The following TNN variants were observed in gnomAD, a reference collection of about 807,000 sequenced individuals.
TNN encodes tenascin-N.
In TNN, 122 loss-of-function variants were observed where a neutral mutation model predicts 134.4. The observed-to-expected ratio is 0.91, with a 90% CI of 0.78 to 1.06. TNN has a LOEUF of 1.06. Among genes scored for constraint, TNN ranks in the 50% least tolerant of loss-of-function variants. The pLI is 0.00. For missense variants in TNN, 1,739 were observed against 1,699.4 expected (o/e 1.02, Z -0.41); for synonymous variants, 710 against 670.3 (o/e 1.06, Z -0.91).
chr1:175,079,765 AC>A (rs1004208217), intron 3 of TNN, 58 bp downstream of exon 3: 1 of 1,512,416 alleles, frequency 6.6e-7, no homozygotes, highest in African/African-American at 1.4e-5. Flanking sequence ...GCACCATTTA[AC>A]CCTCAATTAC....
At chr1:175,131,073 G>A (rs1675664001) in intron 15 of TNN, among the ~76,000 whole-genome samples, 1 of 152,140 alleles carries the variant, frequency 6.6e-6, no homozygotes, top group South Asian at 2.1e-4. Context: ...CTTTGTCACT[G>A]AAGGATGACC....
Position 175,146,923 on chromosome 1 carries a change from TTTG to T in TNN, c.3760-7_3760-5del. 1 of 1,501,410 alleles carries T rather than the reference TTTG, an allele frequency of 6.7e-7. No homozygotes were observed. The highest frequency in any genetic ancestry group is 8.9e-7 in the Non-Finnish European group (1 of 1,123,156). 93.0% of individuals were successfully genotyped at this position (1,501,410 alleles called of 1,614,324 possible). A position where few individuals can be genotyped will look rare whatever the true frequency, so the allele number is the denominator to read the frequency against. On this transcript the variant is annotated splice_region_variant and splice_polypyrimidine_tract_variant and intron_variant, in intron 18 of 18. Coordinates refer to ENST00000239462, the MANE Select transcript of TNN (RefSeq NM_022093.2). ...TTCTTGATGTGGCTTTTTTTTTTTTTTTGGTAGGGGGTGAACTGGGAGCCTTGG... is the reference window on the plus strand; with the variant it reads ...TTCTTGATGTGGCTTTTTTTTTTTTTGTAGGGGGTGAACTGGGAGCCTTGG...
intron 15 of TNN, 31 bp from the exon 16 acceptor site, chr1:175,135,814 G>A: frequency 1.9e-6 from 3 of 1,560,724 alleles, no homozygotes; most frequent in East Asian, 2.2e-5. Flanking sequence ...TGTTTGGAGG[G>A]TCAGAGTGAA....
intron 4 of TNN, among the ~76,000 whole-genome samples, chr1:175,081,783 GGTTA>G (rs1674203160): frequency 1.3e-5 from 2 of 152,206 alleles, no homozygotes; most frequent in South Asian, 4.1e-4. Context: ...AGAAAGGACT[GGTTA>G]GAGAATCTGG....
intron 6 of TNN, among the ~76,000 whole-genome samples, chr1:175,089,520 A>G (rs568668105): frequency 6.6e-6 from 1 of 152,344 alleles, no homozygotes; most frequent in South Asian, 2.1e-4. Flanking sequence ...ATACCCTGAC[A>G]GCTATGCTTC....
At chr1:175,132,285 T>C (rs1239092753) in intron 15 of TNN, among the ~76,000 whole-genome samples, 3 of 152,182 alleles carry the variant, frequency 2.0e-5, no homozygotes, top group Non-Finnish European at 2.9e-5. Flanking sequence ...GACAGAAAGA[T>C]AAGATTTATG....
chr1:175,090,345 A>G (rs1277464261), intron 6 of TNN, among the ~76,000 whole-genome samples: 2 of 152,226 alleles, frequency 1.3e-5, no homozygotes, highest in Admixed American at 1.3e-4. Context: ...ATTGAAAGAC[A>G]TTAGAGGAGG....
rs781194887 is a variant in TNN, at chr1:175,098,566, G to A, written c.2090G>A (p.Ser697Asn). 2 of 1,614,164 alleles carry A rather than the reference G, an allele frequency of 1.2e-6. No individual in the cohort carries two copies. The highest frequency in any genetic ancestry group is 1.7e-6 in the Non-Finnish European group (2 of 1,180,020). ...TGGGCCCAGAAGGGGGACCAGGAGA[G>A]CAAGAAGGCCGACACCAAGGCCCAG... is the stretch of plus-strand genomic sequence containing the variant. Reference protein sequence around the residue: ...HVWAQKGDQESKKADTKAQTD... With the variant: ...HVWAQKGDQENKKADTKAQTD... Residue 697 changes from serine (S) to asparagine (N), a missense_variant, in exon 9 of 19, where the codon AGC becomes AAC. Transcript: ENST00000239462.
chr1:175,101,571 G>A (rs1164076325), intron 9 of TNN, among the ~76,000 whole-genome samples: 4 of 149,938 alleles, frequency 2.7e-5, no homozygotes, highest in African/African-American at 9.7e-5. Context: ...GAGCCGAGTG[G>A]CCTGTTTTGT....
Position 175,128,164 on chromosome 1 carries a change from G to A in TNN, c.3178G>A (p.Val1060Ile). 6.3e-7 allele frequency: 1 copy of A among 1,597,932 alleles called. No individual in the cohort carries two copies. Among genetic ancestry groups the A allele is most frequent in the Non-Finnish European group, 8.5e-7 (1 of 1,172,558 alleles). The change falls in exon 14 of 19, where the codon GTT (valine) becomes ATT (isoleucine). Residue 1060 changes from valine (V) to isoleucine (I), a missense_variant and splice_region_variant. By Grantham distance (29) the Val-to-Ile change is conservative (BLOSUM62 3). Coordinates refer to ENST00000239462, the MANE Select transcript of TNN (RefSeq NM_022093.2). Reference sequence around the variant, plus strand: ...AAATGTATCCACCACCCTCTCCACAGGTAATATGGAATCCTGTACTCTGAA... The same window carrying A: ...AAATGTATCCACCACCCTCTCCACAAGTAATATGGAATCCTGTACTCTGAA... ...SRNVSTTLST[V>I]GARFPHPSDC...
chr1:175,070,537 G>A (rs1673890767), intron 1 of TNN, among the ~76,000 whole-genome samples: 1 of 152,104 alleles, frequency 6.6e-6, no homozygotes, highest in African/African-American at 2.4e-5. Context: ...GAGAATGGGG[G>A]GACAGAGTGA....
chr1:175,099,593 G>A (rs1357222039), intron 9 of TNN, among the ~76,000 whole-genome samples: 1 of 42,780 alleles, frequency 2.3e-5, no homozygotes, highest in African/African-American at 1.1e-4. Flanking sequence ...GGGCTCAGGA[G>A]GAGGAGAGGT....
intron 4 of TNN, among the ~76,000 whole-genome samples, chr1:175,081,550 G>T (rs1362655286): frequency 1.3e-5 from 2 of 152,178 alleles, no homozygotes; most frequent in African/African-American, 4.8e-5. Flanking sequence ...GTCCTTTATG[G>T]TGGTGGGACT....
chr1:175,080,466 G>A (rs751624594), intron 4 of TNN, 40 bp downstream of exon 4: 3 of 1,608,502 alleles, frequency 1.9e-6, no homozygotes, highest in Non-Finnish European at 2.6e-6. Flanking sequence ...CCCAGGAGAG[G>A]CCCCATTCTA....
At chr1:175,118,034 G>T (rs1675230376) in intron 10 of TNN, among the ~76,000 whole-genome samples, 1 of 152,172 alleles carries the variant, frequency 6.6e-6, no homozygotes, top group South Asian at 2.1e-4. Flanking sequence ...TATATAGTGA[G>T]CATTTTCCAC....
intron 15 of TNN, among the ~76,000 whole-genome samples, chr1:175,133,894 G>A (rs1675733966): frequency 6.6e-6 from 1 of 152,202 alleles, no homozygotes; most frequent in African/African-American, 2.4e-5. Context: ...GTTTCAGTGT[G>A]TGGCCTTTCC....
In TNN at chr1:175,118,680, G is replaced by A. The variant is rs758686482; in HGVS notation, c.2506G>A (p.Gly836Arg). The part of the protein sequence containing the change: ...RYVVHYTSAN[G>R]ETREVPVGKE... Reference sequence around the variant, plus strand: ...TGTGGTGCACTACACGTCTGCCAACGGAGAGACCAGGGAGGTTCCAGTGGG... The same window carrying A: ...TGTGGTGCACTACACGTCTGCCAACAGAGAGACCAGGGAGGTTCCAGTGGG... Residue 836 changes from glycine to arginine, a missense_variant, in exon 11 of 19, where the codon GGA becomes AGA. By Grantham distance (125) the Gly-to-Arg change is moderately radical. Transcript: ENST00000239462. The A allele has an allele frequency of 1.7e-5, 28 of 1,614,236 alleles. No individual in the cohort carries two copies. The highest frequency in any genetic ancestry group is 1.6e-4 in the Middle Eastern group (1 of 6,062).
chr1:175,090,857 CT>C (rs1235039020), intron 6 of TNN, among the ~76,000 whole-genome samples: 2 of 152,148 alleles, frequency 1.3e-5, no homozygotes, highest in Non-Finnish European at 2.9e-5. Context: ...TCTCATTGAC[CT>C]TGAATGTCCC....
At chr1:175,087,572 A>G (rs1184415370) in intron 6 of TNN, among the ~76,000 whole-genome samples, 1 of 152,180 alleles carries the variant, frequency 6.6e-6, no homozygotes, top group Non-Finnish European at 1.5e-5. Flanking sequence ...CCTGTAAGAG[A>G]TAAACACTTT....
Sources: gnomAD v4.1 joint callset for allele counts (sites outside exome capture counted in the v4.1 genomes callset) on GRCh38, gnomAD v4.1.1 for gene constraint, MANE v1.5 for transcripts, NCBI Gene and HGNC (gene_info 2026-07-23, HGNC 2026-07-21) for gene names.